ADAMTS17: variants seen among roughly 807,000 people sequenced by gnomAD.
The protein encoded by ADAMTS17 is ADAM metallopeptidase with thrombospondin type 1 motif 17, also known as A disintegrin and metalloproteinase with thrombospondin motifs 17.
ADAMTS17 carries 113 observed loss-of-function variants against 141.5 expected under a neutral mutation model. The observed-to-expected ratio is 0.80, with a 90% confidence interval of 0.69 to 0.93. ADAMTS17 has a LOEUF of 0.93. ADAMTS17 is among the 40% of genes least tolerant of loss of function. The probability of loss-of-function intolerance (pLI) is 0.00; values close to 1 mark genes in which losing one functional copy is unlikely to be tolerated. For synonymous variants in ADAMTS17, 768 were observed against 630.6 expected (o/e 1.22, Z -3.27); for missense variants, 1,659 against 1,517.9 (o/e 1.09, Z -1.54).
rs958960649 is a variant in ADAMTS17 at position 100,341,354 on chromosome 15, G to T, written c.135C>A (p.Pro45=). Residue 45 remains proline, a synonymous_variant, in exon 2 of 22, where the codon CCC becomes CCA. Coordinates refer to ENST00000268070, the MANE Select transcript of ADAMTS17 (RefSeq NM_139057.4). ...GCAGCGGCGGCAGGTGCACGTCGTC[G>T]GGGCGCACCCGCCACGGGAGCACCA... is the stretch of plus-strand genomic sequence containing the variant. ...VEVVLPWRVR[P]DDVHLPPLPA... 9.8e-6 allele frequency: 10 copies of T among 1,018,728 alleles called. No homozygotes were observed. Among genetic ancestry groups the T allele is most frequent in the South Asian group, 8.9e-5 (2 of 22,476 alleles). The allele number at this position is 1,018,728 out of a possible 1,614,324, so 63.1% of individuals were successfully genotyped here.
chr15:100,281,297 C>G lies in ADAMTS17; in HGVS notation c.721G>C (p.Asp241His). Residue 241 changes from aspartate to histidine, a missense_variant, in exon 4 of 22, where the codon GAC (aspartate) becomes CAC (histidine). Physicochemically the swap from Asp to His is moderately conservative, Grantham distance 81 (BLOSUM62 -1). Transcript: ENST00000268070. ...EHTVETLVVA[D>H]ADMVQYHGAE... ...CCGTGGTACTGCACCATGTCGGCGTCGGCCACCACCAGGGTCTCCACCGTG... is the reference window on the plus strand; with the variant it reads ...CCGTGGTACTGCACCATGTCGGCGTGGGCCACCACCAGGGTCTCCACCGTG... 18 of 1,609,168 alleles carry G rather than the reference C, an allele frequency of 1.1e-5. No individual in the cohort carries two copies. The highest frequency in any genetic ancestry group is 1.5e-5 in the Non-Finnish European group (18 of 1,179,998).
At chr15:100,235,915 C>G (rs1382548836) in intron 7 of ADAMTS17, among the ~76,000 whole-genome samples, 4 of 152,140 alleles carry the variant, frequency 2.6e-5, no homozygotes, top group African/African-American at 9.7e-5. Context: ...GGGATCTGAA[C>G]CAGGCAGAGG....
At chr15:100,307,772 G>C (rs1451319399) in intron 3 of ADAMTS17, among the ~76,000 whole-genome samples, 2 of 152,214 alleles carry the variant, frequency 1.3e-5, no homozygotes, top group Non-Finnish European at 2.9e-5. Flanking sequence ...ACAAGCTTCT[G>C]AAAGAGCACA....
chr15:100,172,413 A>G (rs539497856), intron 8 of ADAMTS17, among the ~76,000 whole-genome samples: 2 of 152,308 alleles, frequency 1.3e-5, no homozygotes, highest in East Asian at 1.9e-4. Flanking sequence ...TAACTTCCTC[A>G]TAGTTTCAGT....
intron 7 of ADAMTS17, among the ~76,000 whole-genome samples, chr15:100,247,939 C>T (rs1596356693): frequency 6.6e-6 from 1 of 152,182 alleles, no homozygotes; most frequent in African/African-American, 2.4e-5. Context: ...GGGCAGTGGG[C>T]ACGTCTACCA....
At chr15:100,034,024 C>G (rs1412040415) in intron 18 of ADAMTS17, among the ~76,000 whole-genome samples, 3 of 152,246 alleles carry the variant, frequency 2.0e-5, no homozygotes, top group African/African-American at 7.2e-5. Context: ...CCACTATACA[C>G]TAGCTCTATC....
intron 13 of ADAMTS17, among the ~76,000 whole-genome samples, chr15:100,114,239 C>G (rs2036973768): frequency 1.3e-5 from 2 of 151,088 alleles, no homozygotes; most frequent in Non-Finnish European, 2.9e-5. Context: ...CTGTGCGTCA[C>G]TCGCCAAAGA....
chr15:100,059,629 T>C (rs1012744040), intron 15 of ADAMTS17, among the ~76,000 whole-genome samples: 1 of 152,216 alleles, frequency 6.6e-6, no homozygotes, highest in Non-Finnish European at 1.5e-5. Context: ...AAGATCATTT[T>C]TAACAGTGAA....
intron 15 of ADAMTS17, among the ~76,000 whole-genome samples, chr15:100,089,888 C>T (rs568898322): frequency 7.0e-4 from 105 of 150,218 alleles, no homozygotes; most frequent in African/African-American, 1.6e-3. Context: ...TGTTAAATGA[C>T]GAGTTAATGG....
intron 15 of ADAMTS17, among the ~76,000 whole-genome samples, chr15:100,075,125 C>A (rs576213448): frequency 2.0e-5 from 3 of 152,190 alleles, no homozygotes; most frequent in South Asian, 4.1e-4. Flanking sequence ...CTGGATATTA[C>A]AAAATAAGGA....
intron 18 of ADAMTS17, among the ~76,000 whole-genome samples, chr15:100,033,785 G>T (rs935013772): frequency 6.6e-6 from 1 of 152,154 alleles, no homozygotes; most frequent in Non-Finnish European, 1.5e-5. Context: ...TTCAATTTTG[G>T]GAGCTACTCC....
At chr15:100,026,209 A>C (rs145005542) in intron 18 of ADAMTS17, among the ~76,000 whole-genome samples, 4 of 152,328 alleles carry the variant, frequency 2.6e-5, no homozygotes, top group African/African-American at 9.6e-5. Flanking sequence ...AGACTGATCC[A>C]AGTTTTGTAG....
At chr15:100,272,369 T>C (rs575812362) in intron 4 of ADAMTS17, among the ~76,000 whole-genome samples, 2 of 152,114 alleles carry the variant, frequency 1.3e-5, no homozygotes, top group Non-Finnish European at 2.9e-5. Context: ...TTTAATTTCC[T>C]TCATTGATGT....
intron 4 of ADAMTS17, among the ~76,000 whole-genome samples, chr15:100,279,463 C>T (rs909092131): frequency 6.6e-6 from 1 of 152,258 alleles, no homozygotes; most frequent in African/African-American, 2.4e-5. Context: ...CCCACGGCTG[C>T]TGTGTCCCCA....
intron 18 of ADAMTS17, among the ~76,000 whole-genome samples, chr15:100,019,701 C>T (rs965624152): frequency 2.0e-5 from 3 of 152,176 alleles, no homozygotes; most frequent in Non-Finnish European, 4.4e-5. Context: ...GGAAATGAAT[C>T]CTAAAACCTT....
At chr15:100,103,876 C>T (rs942460636) in intron 14 of ADAMTS17, among the ~76,000 whole-genome samples, 2 of 152,150 alleles carry the variant, frequency 1.3e-5, no homozygotes, top group African/African-American at 4.8e-5. Context: ...GCACCTGACC[C>T]TTCTTTCAAT....
chr15:100,281,425 T>C (rs187110074), intron 3 of ADAMTS17, 24 bp from the exon 4 acceptor site: 3 of 1,606,840 alleles, frequency 1.9e-6, no homozygotes, highest in East Asian at 4.5e-5. Flanking sequence ...GAAACATTTG[T>C]GCGGTCCTTG....
intron 15 of ADAMTS17, among the ~76,000 whole-genome samples, chr15:100,081,367 C>G (rs1327031903): frequency 6.6e-6 from 1 of 152,178 alleles, no homozygotes; most frequent in African/African-American, 2.4e-5. Flanking sequence ...TATATGCACA[C>G]ATACATACAC....
intron 10 of ADAMTS17, among the ~76,000 whole-genome samples, chr15:100,140,674 A>C (rs1009026420): frequency 6.6e-6 from 1 of 151,704 alleles, no homozygotes; most frequent in Non-Finnish European, 1.5e-5. Flanking sequence ...TCCTGTTCCC[A>C]TTTTACAGAT....
Sources: gnomAD v4.1 joint callset for allele counts (sites outside exome capture counted in the v4.1 genomes callset) on GRCh38, gnomAD v4.1.1 for gene constraint, MANE v1.5 for transcripts, NCBI Gene and HGNC (gene_info 2026-07-23, HGNC 2026-07-21) for gene names.